The following GNAL variants were observed in gnomAD, a reference collection of about 807,000 sequenced individuals.
The protein encoded by GNAL is G protein subunit alpha L, also known as guanine nucleotide-binding protein G(olf) subunit alpha.
Under a neutral mutation model 55.1 loss-of-function variants are expected in GNAL, and 18 were observed. That is an observed-to-expected ratio of 0.33 (90% CI 0.23 to 0.48). The LOEUF is 0.48. Ranked by LOEUF, GNAL falls within the 20% of genes least tolerant of loss-of-function variation. GNAL has a pLI of 0.99. For missense variants in GNAL, 412 were observed against 614.1 expected, an observed-to-expected ratio of 0.67 and a Z score of 3.48; for synonymous variants, 253 against 237.0, an observed-to-expected ratio of 1.07 and a Z score of -0.62.
At chr18:11,813,510 C>T (rs2034876391) in intron 4 of GNAL, among the ~76,000 whole-genome samples, 1 of 151,994 alleles carries the variant, frequency 6.6e-6, no homozygotes, top group Admixed American at 6.6e-5. Flanking sequence ...ATCTTTTTTC[C>T]CTGATAAAAA....
At chr18:11,839,994 A>G (rs1452444795) in intron 5 of GNAL, among the ~76,000 whole-genome samples, 2 of 152,242 alleles carry the variant, frequency 1.3e-5, no homozygotes, top group Non-Finnish European at 2.9e-5. Context: ...TTCTTAGGGT[A>G]GTGCATGCAT....
At chr18:11,767,367 CACACTT>C (rs1346217964) in intron 4 of GNAL, among the ~76,000 whole-genome samples, 2 of 151,990 alleles carry the variant, frequency 1.3e-5, no homozygotes, top group Non-Finnish European at 2.9e-5. Context: ...CTGCTCTGTG[CACACTT>C]ACACTTGCAC....
intron 5 of GNAL, among the ~76,000 whole-genome samples, chr18:11,827,099 T>C (rs1384865314): frequency 6.6e-6 from 1 of 152,162 alleles, no homozygotes; most frequent in Admixed American, 6.6e-5. Flanking sequence ...AAGATTGTAC[T>C]TAACCTCCTT....
At chr18:11,823,395 G>A (rs1647553) in intron 4 of GNAL, among the ~76,000 whole-genome samples, 115,642 of 152,086 alleles carry the variant, frequency 0.76, 44,814 homozygotes, top group Admixed American at 0.86. Flanking sequence ...ACAGACAGAT[G>A]CAGATATAGA....
intron 1 of GNAL, among the ~76,000 whole-genome samples, chr18:11,708,897 T>C (rs1034227421): frequency 6.6e-6 from 1 of 152,192 alleles, no homozygotes; most frequent in Non-Finnish European, 1.5e-5. Flanking sequence ...GTCAGGAAAC[T>C]TTTTTCCTAT....
rs2035649846 is a variant in GNAL, at chr18:11,842,899, AT to A, written c.722+17887del. Among the ~76,000 whole-genome samples the A allele has an allele frequency of 2.0e-5, 3 of 152,140 alleles. No individual in the cohort carries two copies. In the South Asian group the frequency reaches 6.2e-4, roughly 32 times the overall value. ...TTTGGCCTTCTTTCAACTGTTGACTATTTGATTGTTGACTGTTTCACTGTTG... is the reference window on the plus strand; with the variant it reads ...TTTGGCCTTCTTTCAACTGTTGACTATTGATTGTTGACTGTTTCACTGTTG... On this transcript the variant is annotated intron_variant, in intron 5 of 11. Coordinates refer to ENST00000334049, the MANE Select transcript of GNAL (RefSeq NM_182978.4).
At chr18:11,740,872 GCCC>G (rs1267346142) in intron 1 of GNAL, among the ~76,000 whole-genome samples, 1 of 152,232 alleles carries the variant, frequency 6.6e-6, no homozygotes, top group African/African-American at 2.4e-5. Context: ...GAAGCTCTGT[GCCC>G]CTTCCTCTTT....
At chr18:11,797,118 G>A (rs2034410939) in intron 4 of GNAL, among the ~76,000 whole-genome samples, 1 of 152,120 alleles carries the variant, frequency 6.6e-6, no homozygotes. Context: ...TTTTAGTAAA[G>A]ACGGGTTTTC....
At chr18:11,808,519 T>G (rs560582210) in intron 4 of GNAL, among the ~76,000 whole-genome samples, 1 of 151,938 alleles carries the variant, frequency 6.6e-6, no homozygotes, top group South Asian at 2.1e-4. Flanking sequence ...AATAGTAGAG[T>G]TTTTAATGAA....
chr18:11,830,349 C>T (rs887390710), intron 5 of GNAL, among the ~76,000 whole-genome samples: 1 of 142,506 alleles, frequency 7.0e-6, no homozygotes, highest in African/African-American at 2.7e-5. Context: ...TGCAATGGCA[C>T]GATCTTGGCT....
At chr18:11,832,801 A>G (rs1234132107) in intron 5 of GNAL, among the ~76,000 whole-genome samples, 2 of 152,044 alleles carry the variant, frequency 1.3e-5, no homozygotes, top group Non-Finnish European at 2.9e-5. Flanking sequence ...CAGAGGTTTC[A>G]GTGAGCCGAG....
At chr18:11,768,762 C>T (rs1350529608) in intron 4 of GNAL, among the ~76,000 whole-genome samples, 2 of 148,568 alleles carry the variant, frequency 1.3e-5, no homozygotes, top group African/African-American at 5.0e-5. Context: ...GGCCTGGTGG[C>T]AGGCGCCTGT....
Position 11,751,633 on chromosome 18 carries a change from T to G in GNAL, c.377-1220T>G. 1.0e-6 allele frequency: 1 copy of G among 985,166 alleles called. No homozygotes were observed. 61.0% of individuals were successfully genotyped at this position (985,166 alleles called of 1,614,324 possible). A position where few individuals can be genotyped will look rare whatever the true frequency, so the allele number is the denominator to read the frequency against. ...GCGCGCCCAGACGCACTTTCCCGGCTCGGGGTGCAAGAGAGCCAGGCGGCC... is the reference window on the plus strand; with the variant it reads ...GCGCGCCCAGACGCACTTTCCCGGCGCGGGGTGCAAGAGAGCCAGGCGGCC... On this transcript the variant is annotated intron_variant, in intron 1 of 11. Coordinates refer to ENST00000334049, the MANE Select transcript of GNAL (RefSeq NM_182978.4). This position sits in a 1 kb window ranked among gnomAD's most constrained non-coding sequence, Gnocchi z 4.5.
chr18:11,727,220 C>T (rs1216912812), intron 1 of GNAL, among the ~76,000 whole-genome samples: 1 of 152,220 alleles, frequency 6.6e-6, no homozygotes, highest in African/African-American at 2.4e-5. Flanking sequence ...CGCACCCTCT[C>T]TGCCAGCTTC....
At chr18:11,770,060 CTG>C (rs1010196235) in intron 4 of GNAL, among the ~76,000 whole-genome samples, 45 of 152,190 alleles carry the variant, frequency 3.0e-4, no homozygotes, top group African/African-American at 1.1e-3. Flanking sequence ...TTTTATGTGT[CTG>C]TAGTGGTGTA....
At chr18:11,813,317 C>T (rs895892299) in intron 4 of GNAL, among the ~76,000 whole-genome samples, 2 of 151,164 alleles carry the variant, frequency 1.3e-5, no homozygotes, top group African/African-American at 2.4e-5. Flanking sequence ...ATGGATTACA[C>T]AACCATTAAC....
chr18:11,724,255 A>G (rs1293267493), intron 1 of GNAL, among the ~76,000 whole-genome samples: 1 of 152,146 alleles, frequency 6.6e-6, no homozygotes, highest in Non-Finnish European at 1.5e-5. Context: ...GACCTCAGGA[A>G]ACTTACGGGG....
chr18:11,837,591 C>T (rs116224373), intron 5 of GNAL, among the ~76,000 whole-genome samples: 94 of 152,274 alleles, frequency 6.2e-4, no homozygotes, highest in African/African-American at 2.1e-3. Context: ...CCTAGGGTGG[C>T]TGTGCCTAAA....
chr18:11,822,345 C>T (rs915659120), intron 4 of GNAL, among the ~76,000 whole-genome samples: 2 of 152,224 alleles, frequency 1.3e-5, no homozygotes, highest in Non-Finnish European at 2.9e-5. Context: ...TGGTACACAC[C>T]TGTCGTCCCC....
Sources: gnomAD v4.1 joint callset for allele counts (sites outside exome capture counted in the v4.1 genomes callset) on GRCh38, gnomAD v4.1.1 for gene constraint, Gnocchi (gnomAD v3.1) non-coding constraint, MANE v1.5 for transcripts, NCBI Gene and HGNC (gene_info 2026-07-23, HGNC 2026-07-21) for gene names.